Variants in NMU observed in about 807,000 individuals in gnomAD.
NMU encodes the protein neuromedin U.
NMU carries 29 observed loss-of-function variants against 35.4 expected under a neutral mutation model. That is an observed-to-expected ratio of 0.82 (90% CI 0.61 to 1.12). The LOEUF is 1.12. Ranked by LOEUF, NMU falls within the 50% of genes most tolerant of loss-of-function variation. The pLI, the probability that NMU is intolerant of heterozygous loss-of-function variation, is 0.00. For synonymous variants in NMU, 78 were observed against 81.3 expected (o/e 0.96, Z 0.22); for missense variants, 199 against 206.2 (o/e 0.97, Z 0.21).
At chr4:55,616,437 A>C in intron 2 of NMU, 52 bp from the exon 3 acceptor site, 2 of 1,361,066 alleles carry the variant, frequency 1.5e-6, no homozygotes, top group Non-Finnish European at 2.1e-6. Context: ...AGAAAATAAC[A>C]GAAAGTAGAT....
intron 2 of NMU, among the ~76,000 whole-genome samples, chr4:55,629,413 G>A (rs2110212012): frequency 6.6e-6 from 1 of 151,890 alleles, no homozygotes; most frequent in African/African-American, 2.4e-5. Context: ...GAGGTCAAGA[G>A]ATGGAGACCA....
In NMU at chr4:55,605,345, G is replaced by A; in HGVS notation, c.365C>T (p.Ser122Leu). 6.2e-7 allele frequency: 1 copy of A among 1,611,974 alleles called. No homozygotes were observed. Among genetic ancestry groups the A allele is most frequent in the African/African-American group, 1.3e-5 (1 of 75,018 alleles). The change falls in exon 7 of 10, where the codon TCA becomes TTA. Residue 122 changes from serine to leucine, a missense_variant. Physicochemically the swap from Ser to Leu is moderately radical, Grantham distance 145. Coordinates refer to ENST00000264218, the MANE Select transcript of NMU (RefSeq NM_006681.4). ...QKLGKSNVVS[S>L]VVHPLLQLVP... Reference sequence around the variant, plus strand: ...GAGCTGCAGCAACGGATGCACAACTGACGACTGAGAGGACATGAACACACA... The same window carrying A: ...GAGCTGCAGCAACGGATGCACAACTAACGACTGAGAGGACATGAACACACA...
intron 6 of NMU, among the ~76,000 whole-genome samples, chr4:55,606,922 C>T (rs776180897): frequency 1.4e-4 from 22 of 152,158 alleles, no homozygotes; most frequent in Non-Finnish European, 2.4e-4. Context: ...AAGTGATCCT[C>T]CCGCCTCGGC....
At position 55,607,324 on chromosome 4, in the gene NMU, G is replaced by T. The variant is rs1443279076; in HGVS notation, c.334C>A (p.Gln112Lys). The T allele has an allele frequency of 6.2e-7, 1 of 1,607,728 alleles. No individual in the cohort carries two copies. Among genetic ancestry groups the T allele is most frequent in the Non-Finnish European group, 8.5e-7 (1 of 1,174,812 alleles). ...ACAACATTTGACTTGCCCAACTTCT[G>T]TGTCTTCGAATAATGAAATAAGAAC... ...KRFLFHYSKT[Q>K]KLGKSNVVSS... Residue 112 changes from glutamine (Q) to lysine (K), a missense_variant, in exon 6 of 10, where the codon CAG becomes AAG. Coordinates refer to ENST00000264218, the MANE Select transcript of NMU (RefSeq NM_006681.4).
Position 55,602,791 on chromosome 4 carries a change from G to C in NMU, c.436-2216C>G, listed in dbSNP as rs1378479182. 2.6e-5 allele frequency among the ~76,000 whole-genome samples: 4 copies of C among 152,150 alleles called. No homozygotes were observed. The East Asian group carries it at 7.7e-4, about 29-fold the overall frequency. On this transcript the variant is annotated intron_variant, in intron 7 of 9. Coordinates refer to ENST00000264218, the MANE Select transcript of NMU (RefSeq NM_006681.4). ...ACATTTCTCTTTACAGTTGGCATCAGATATTGTCTTCTTTGATGGAAACTT... is the reference window on the plus strand; with the variant it reads ...ACATTTCTCTTTACAGTTGGCATCACATATTGTCTTCTTTGATGGAAACTT...
At chr4:55,606,346 T>C (rs562577622) in intron 6 of NMU, among the ~76,000 whole-genome samples, 11 of 152,308 alleles carry the variant, frequency 7.2e-5, no homozygotes, top group Admixed American at 2.0e-4. Context: ...TTAAAACCCA[T>C]GCATACAAAA....
chr4:55,596,953 G>T (rs1191832772), intron 9 of NMU, among the ~76,000 whole-genome samples: 2 of 152,120 alleles, frequency 1.3e-5, no homozygotes, highest in African/African-American at 4.8e-5. Context: ...TAATAGATCA[G>T]AAATTGATGT....
chr4:55,602,976 A>G (rs1733483328), intron 7 of NMU, among the ~76,000 whole-genome samples: 3 of 152,102 alleles, frequency 2.0e-5, no homozygotes, highest in South Asian at 4.1e-4. Context: ...ATTAAGGAAA[A>G]CTTTGATGAT....
chr4:55,626,343 T>C (rs1160280836), intron 2 of NMU, among the ~76,000 whole-genome samples: 1 of 152,254 alleles, frequency 6.6e-6, no homozygotes, highest in Admixed American at 6.5e-5. Flanking sequence ...CTTTATCCAA[T>C]TGATTTGGTG....
At chr4:55,634,328 A>G (rs1328364152) in intron 1 of NMU, among the ~76,000 whole-genome samples, 1 of 152,178 alleles carries the variant, frequency 6.6e-6, no homozygotes, top group African/African-American at 2.4e-5. Flanking sequence ...TCTGAAGGGG[A>G]ATGAAGACAC....
intron 6 of NMU, among the ~76,000 whole-genome samples, chr4:55,606,803 G>A (rs534004096): frequency 1.3e-5 from 2 of 150,852 alleles, no homozygotes; most frequent in East Asian, 2.0e-4. Context: ...TCAACCTCCC[G>A]AGTAGCTGAG....
intron 2 of NMU, among the ~76,000 whole-genome samples, chr4:55,629,416 G>T (rs2110212017): frequency 6.6e-6 from 1 of 151,516 alleles, no homozygotes; most frequent in South Asian, 2.1e-4. Flanking sequence ...GTCAAGAGAT[G>T]GAGACCATCC....
At chr4:55,629,554 G>A (rs1215400931) in intron 2 of NMU, among the ~76,000 whole-genome samples, 1 of 150,848 alleles carries the variant, frequency 6.6e-6, no homozygotes, top group East Asian at 1.9e-4. Context: ...GGGAGGCGGA[G>A]GTTGCAGTGA....
intron 2 of NMU, among the ~76,000 whole-genome samples, chr4:55,619,535 T>C (rs1414761431): frequency 6.3e-5 from 9 of 142,718 alleles, no homozygotes; most frequent in Non-Finnish European, 7.7e-5. Context: ...ATCTCGCTGA[T>C]TGCCAGCACA....
chr4:55,614,245 A>G (rs1734034789), intron 3 of NMU, among the ~76,000 whole-genome samples: 1 of 152,172 alleles, frequency 6.6e-6, no homozygotes, highest in Non-Finnish European at 1.5e-5. Context: ...CCTTCCACAT[A>G]ACCATTATCA....
intron 2 of NMU, among the ~76,000 whole-genome samples, chr4:55,625,437 C>G (rs1035914379): frequency 1.3e-5 from 2 of 152,106 alleles, no homozygotes; most frequent in African/African-American, 4.8e-5. Flanking sequence ...ATATTTCTAG[C>G]ATGTACCTAG....
rs1403125106 is a variant in NMU at position 55,619,882 on chromosome 4, G to T, written c.172-3497C>A. On this transcript the variant is annotated intron_variant, in intron 2 of 9. Transcript: ENST00000264218. ...CCTGACCCCCGAGCAGCCTAACTGG[G>T]AGGCACCCCCCAGCAGGGGCACACT... Among the ~76,000 whole-genome samples, 462 of 129,242 alleles carry T rather than the reference G, an allele frequency of 3.6e-3. 7 individuals are homozygous for T. Among genetic ancestry groups the T allele is most frequent in the Non-Finnish European group, 5.1e-3 (300 of 58,510 alleles). 84.8% of individuals were successfully genotyped at this position (129,242 alleles called of 152,430 possible).
chr4:55,602,128 C>T (rs1253084496), intron 7 of NMU, among the ~76,000 whole-genome samples: 1 of 152,020 alleles, frequency 6.6e-6, no homozygotes, highest in Non-Finnish European at 1.5e-5. Context: ...CCCAAACATA[C>T]AGATCTTTTT....
At chr4:55,604,027 A>ATATATACATGTGTATATATACACATGT (rs1733567304) in intron 7 of NMU, among the ~76,000 whole-genome samples, 2 of 29,006 alleles carry the variant, frequency 6.9e-5, no homozygotes, top group African/African-American at 2.0e-4. Context: ...GTATATATAT[A>ATATATACATGTGTATATATACACATGT]ATCCTAGAAA....
Sources: allele counts gnomAD v4.1 joint callset (sites outside exome capture counted in the v4.1 genomes callset), GRCh38; gene constraint gnomAD v4.1.1; transcripts MANE v1.5; gene names NCBI Gene and HGNC (gene_info 2026-07-23, HGNC 2026-07-21).